Variants in GPR158 observed in about 807,000 individuals in gnomAD.
The protein encoded by GPR158 is G protein-coupled receptor 158, also known as metabotropic glycine receptor.
In GPR158, 30 loss-of-function variants were observed where a neutral mutation model predicts 78.2. The observed-to-expected ratio is 0.38, with a 90% CI of 0.29 to 0.52. The LOEUF (loss-of-function observed/expected upper bound fraction) is 0.52, where lower values mean the gene tolerates loss of function less well. Ranked by LOEUF, GPR158 falls within the 20% of genes least tolerant of loss-of-function variation. GPR158 has a pLI of 0.83. For synonymous variants in GPR158, 581 were observed against 591.1 expected (o/e 0.98, Z 0.25); for missense variants, 1,463 against 1,523.5 (o/e 0.96, Z 0.66).
intron 2 of GPR158, among the ~76,000 whole-genome samples, chr10:25,279,392 C>A (rs1227344926): frequency 1.3e-5 from 2 of 151,754 alleles, no homozygotes; most frequent in Non-Finnish European, 2.9e-5. Flanking sequence ...CCAGAGAGAC[C>A]GAGGGGTTGA....
intron 2 of GPR158, among the ~76,000 whole-genome samples, chr10:25,231,770 G>T (rs538858183): frequency 1.3e-5 from 2 of 152,286 alleles, no homozygotes; most frequent in African/African-American, 4.8e-5. Flanking sequence ...GCACAGGGAT[G>T]ACAAGAGGAT....
chr10:25,275,301 T>G (rs997603332), intron 2 of GPR158, among the ~76,000 whole-genome samples: 16 of 152,140 alleles, frequency 1.1e-4, no homozygotes, highest in African/African-American at 3.6e-4. Flanking sequence ...ACCCCAAACC[T>G]TCTGAATTTC....
intron 5 of GPR158, among the ~76,000 whole-genome samples, chr10:25,485,670 ATTGACAAATCTTT>A (rs1564468653): frequency 4.6e-5 from 7 of 152,188 alleles, no homozygotes; most frequent in Admixed American, 2.0e-4. Flanking sequence ...AAATATCACT[ATTGACAAATCTTT>A]AAAAATACTT....
intron 2 of GPR158, among the ~76,000 whole-genome samples, chr10:25,262,343 CAG>C (rs1853978362): frequency 6.6e-6 from 1 of 152,162 alleles, no homozygotes; most frequent in South Asian, 2.1e-4. Context: ...TTATTTTCCT[CAG>C]GGGAACATTG....
At chr10:25,540,324 A>G (rs1836561104) in intron 5 of GPR158, among the ~76,000 whole-genome samples, 1 of 152,180 alleles carries the variant, frequency 6.6e-6, no homozygotes, top group Non-Finnish European at 1.5e-5. Context: ...GAGAAATAGG[A>G]ACACTTTTAC....
chr10:25,308,968 G>A lies in GPR158; in HGVS notation c.1009-86943G>A, dbSNP rs542554973. On this transcript the variant is annotated intron_variant, in intron 2 of 10. Coordinates refer to ENST00000376351, the MANE Select transcript of GPR158 (RefSeq NM_020752.3). ...TTTGTTATCTGTTGATGGACACTTG[G>A]GTTGTTTCCATGTTTTAGCTATTGT... 8.5e-5 allele frequency among the ~76,000 whole-genome samples: 13 copies of A among 152,186 alleles called. No homozygotes were observed. The South Asian group carries it at 2.5e-3, about 29-fold the overall frequency.
intron 2 of GPR158, among the ~76,000 whole-genome samples, chr10:25,304,640 T>G (rs1854643537): frequency 1.3e-5 from 2 of 152,140 alleles, no homozygotes; most frequent in South Asian, 2.1e-4. Context: ...TCTCATATAT[T>G]TCTACAAACC....
intron 5 of GPR158, among the ~76,000 whole-genome samples, chr10:25,549,698 T>A (rs1469835072): frequency 6.6e-6 from 1 of 152,162 alleles, no homozygotes; most frequent in African/African-American, 2.4e-5. Flanking sequence ...TTGTCCGTAT[T>A]TTCTCCATTC....
At chr10:25,288,871 T>A (rs948518029) in intron 2 of GPR158, among the ~76,000 whole-genome samples, 1 of 152,228 alleles carries the variant, frequency 6.6e-6, no homozygotes, top group African/African-American at 2.4e-5. Context: ...TTCATTATCA[T>A]AGCTCTGTTT....
intron 5 of GPR158, among the ~76,000 whole-genome samples, chr10:25,516,221 G>GT (rs1300527024): frequency 1.0e-4 from 15 of 148,746 alleles, no homozygotes; most frequent in African/African-American, 3.5e-4. Flanking sequence ...GGGGTTGTTT[G>GT]TTTTTTTCTT....
chr10:25,259,915 A>G (rs1003629996), intron 2 of GPR158, among the ~76,000 whole-genome samples: 1 of 151,922 alleles, frequency 6.6e-6, no homozygotes, highest in Non-Finnish European at 1.5e-5. Context: ...ATCAAATTTT[A>G]TATGCTGCTT....
intron 2 of GPR158, among the ~76,000 whole-genome samples, chr10:25,334,127 TAA>T (rs892834001): frequency 1.1e-4 from 17 of 152,206 alleles, no homozygotes; most frequent in Non-Finnish European, 1.8e-4. Context: ...ATTTTATGTA[TAA>T]AAAGTTAAAA....
At chr10:25,501,785 C>T (rs1447913739) in intron 5 of GPR158, among the ~76,000 whole-genome samples, 4 of 152,128 alleles carry the variant, frequency 2.6e-5, no homozygotes, top group African/African-American at 9.7e-5. Context: ...GTGAAATAGA[C>T]TGAGGGAAAT....
chr10:25,456,986 T>G (rs987236448), intron 4 of GPR158, among the ~76,000 whole-genome samples: 2 of 152,036 alleles, frequency 1.3e-5, no homozygotes, highest in African/African-American at 4.8e-5. Context: ...TAGCTTTGTG[T>G]GTGTGTGTTG....
intron 2 of GPR158, among the ~76,000 whole-genome samples, chr10:25,227,879 T>G (rs988188599): frequency 2.0e-5 from 3 of 152,198 alleles, no homozygotes; most frequent in African/African-American, 7.2e-5. Flanking sequence ...ATTTAAGAAG[T>G]GCAGGAATTT....
chr10:25,357,607 C>T (rs950711487), intron 2 of GPR158, among the ~76,000 whole-genome samples: 9 of 152,062 alleles, frequency 5.9e-5, no homozygotes, highest in Non-Finnish European at 1.2e-4. Context: ...GCAGTTTCTA[C>T]GTGGTGTTGA....
At chr10:25,338,959 C>T (rs965110819) in intron 2 of GPR158, among the ~76,000 whole-genome samples, 1 of 151,116 alleles carries the variant, frequency 6.6e-6, no homozygotes, top group African/African-American at 2.4e-5. Context: ...TGTTAAAGGT[C>T]CTACACATAT....
intron 2 of GPR158, among the ~76,000 whole-genome samples, chr10:25,338,466 ATAT>A (rs1170268167): frequency 7.3e-6 from 1 of 136,434 alleles, no homozygotes; most frequent in Non-Finnish European, 1.5e-5. Context: ...TATATTACGT[ATAT>A]TATACGTATA....
chr10:25,426,090 G>A (rs374511290), intron 4 of GPR158, among the ~76,000 whole-genome samples: 3 of 152,098 alleles, frequency 2.0e-5, no homozygotes, highest in East Asian at 1.9e-4. Flanking sequence ...CGCTAAGGTT[G>A]CATAGTTTAG....
Sources: gnomAD v4.1 joint callset for allele counts (sites outside exome capture counted in the v4.1 genomes callset) on GRCh38, gnomAD v4.1.1 for gene constraint, MANE v1.5 for transcripts, NCBI Gene and HGNC (gene_info 2026-07-23, HGNC 2026-07-21) for gene names.